ITIH5: variants seen among roughly 807,000 people sequenced by gnomAD.
ITIH5 encodes the protein inter-alpha-trypsin inhibitor heavy chain 5.
ITIH5 carries 65 observed loss-of-function variants against 77.5 expected under a neutral mutation model. The ratio of observed to expected loss-of-function variants is 0.84; its 90% CI spans 0.69 to 1.03. The LOEUF is 1.03. Among genes scored for constraint, ITIH5 ranks in the 50% least tolerant of loss-of-function variants. The pLI, the probability that ITIH5 is intolerant of heterozygous loss-of-function variation, is 0.00. For missense variants in ITIH5, 1,208 were observed against 1,213.1 expected, an observed-to-expected ratio of 1.00 and a Z score of 0.06; for synonymous variants, 525 against 494.3, an observed-to-expected ratio of 1.06 and a Z score of -0.82.
chr10:7,592,250 A>T (rs1014945778), intron 7 of ITIH5, among the ~76,000 whole-genome samples: 1 of 152,148 alleles, frequency 6.6e-6, no homozygotes, highest in Non-Finnish European at 1.5e-5. Flanking sequence ...ATGCTTGACA[A>T]ATGTGTTCTG....
At chr10:7,638,226 A>G (rs1432267107) in intron 4 of ITIH5, among the ~76,000 whole-genome samples, 1 of 152,250 alleles carries the variant, frequency 6.6e-6, no homozygotes, top group African/African-American at 2.4e-5. Context: ...GGACACCACA[A>G]GATGGAAGGG....
chr10:7,639,661 C>T (rs1301126524), intron 4 of ITIH5, among the ~76,000 whole-genome samples: 1 of 152,114 alleles, frequency 6.6e-6, no homozygotes, highest in African/African-American at 2.4e-5. Flanking sequence ...GGATGAAGGC[C>T]TACACATTGG....
chr10:7,599,331 A>G (rs1453180336), intron 7 of ITIH5, among the ~76,000 whole-genome samples: 3 of 152,210 alleles, frequency 2.0e-5, no homozygotes, highest in Admixed American at 1.3e-4. Context: ...GGTGAACCCC[A>G]GGCATGGCTG....
At chr10:7,619,606 G>GGGAA (rs1833436848) in intron 5 of ITIH5, 2 of 392,294 alleles carry the variant, frequency 5.1e-6, no homozygotes, top group South Asian at 3.8e-5. Flanking sequence ...GGGAAGCCTC[G>GGGAA]GGAAACTTAC....
chr10:7,620,385 A>G (rs1212739929), intron 5 of ITIH5: 1 of 152,230 alleles, frequency 6.6e-6, no homozygotes, highest in African/African-American at 2.4e-5. Context: ...AAAGTTCAAG[A>G]GGAGCATGAA....
intron 7 of ITIH5, among the ~76,000 whole-genome samples, chr10:7,605,946 G>A (rs553742839): frequency 3.3e-5 from 5 of 152,252 alleles, no homozygotes; most frequent in African/African-American, 7.2e-5. Context: ...ATTTCCTGGC[G>A]CCACACTTTC....
intron 7 of ITIH5, 60 bp from the exon 8 acceptor site, chr10:7,586,129 G>A: frequency 1.4e-6 from 2 of 1,461,086 alleles, no homozygotes; most frequent in South Asian, 2.7e-5. Flanking sequence ...CTTGTCCCCT[G>A]TTCTAGAAAC....
In ITIH5 at chr10:7,637,340, C is replaced by A. The variant is rs1306695143; in HGVS notation, c.540G>T (p.Gln180His). ...YEHSISVRPQQLSGRLSVDVN... is the reference protein window; with the variant it reads ...YEHSISVRPQHLSGRLSVDVN... ...CGTCCACGCTCAGCCTCCCGGACAG[C>A]TGCTGGGGCCGCACGCTGATGCTGT... The change falls in exon 5 of 14, where the codon CAG becomes CAT. Residue 180 changes from glutamine (Q) to histidine (H), a missense_variant. By Grantham distance (24) the Gln-to-His change is conservative. Coordinates refer to ENST00000397146, the MANE Select transcript of ITIH5 (RefSeq NM_030569.7). 1.2e-6 allele frequency: 2 copies of A among 1,614,198 alleles called. No homozygotes were observed. Among genetic ancestry groups the A allele is most frequent in the East Asian group, 2.2e-5 (1 of 44,874 alleles).
intron 5 of ITIH5, among the ~76,000 whole-genome samples, chr10:7,631,292 T>C (rs1833708540): frequency 6.6e-6 from 1 of 152,110 alleles, no homozygotes; most frequent in Non-Finnish European, 1.5e-5. Context: ...TGGGAACCAC[T>C]GAGGTTGGCA....
chr10:7,633,226 T>C (rs1833740882), intron 5 of ITIH5, among the ~76,000 whole-genome samples: 1 of 152,240 alleles, frequency 6.6e-6, no homozygotes, highest in Non-Finnish European at 1.5e-5. Flanking sequence ...TACCAATTTG[T>C]AATGCTTGAG....
intron 7 of ITIH5, among the ~76,000 whole-genome samples, chr10:7,613,780 G>C (rs574905630): frequency 3.3e-5 from 5 of 152,156 alleles, no homozygotes; most frequent in Non-Finnish European, 7.4e-5. Flanking sequence ...CTGAGAGGCC[G>C]CACATCCCCT....
Position 7,641,982 on chromosome 10 carries a change from C to G in ITIH5, c.244G>C (p.Asp82His). The G allele has an allele frequency of 6.2e-7, 1 of 1,614,118 alleles. No individual in the cohort carries two copies. The highest frequency in any genetic ancestry group is 1.1e-5 in the South Asian group (1 of 91,070). Residue 82 changes from aspartate to histidine, a missense_variant, in exon 3 of 14, where the codon GAC becomes CAC. Asp to His is a moderately conservative substitution (Grantham distance 81). Coordinates refer to ENST00000397146, the MANE Select transcript of ITIH5 (RefSeq NM_030569.7). ...GGAATCTGCATCTGGAACTCAATGT[C>G]CTGGTCTTCAGAAGCTCTGTTCAGC... Reference protein sequence around the residue: ...RMLNRASEDQDIEFQMQIPAA... With the variant: ...RMLNRASEDQHIEFQMQIPAA...
intron 3 of ITIH5, among the ~76,000 whole-genome samples, 180 bp from the exon 4 acceptor site, chr10:7,641,035 C>T (rs1434462552): frequency 3.9e-5 from 6 of 152,186 alleles, no homozygotes; most frequent in Non-Finnish European, 7.3e-5. Flanking sequence ...GGGCAATTTT[C>T]AACAGGTCCA....
intron 1 of ITIH5, 22 bp from the exon 2 acceptor site, chr10:7,655,697 T>TA: frequency 6.3e-7 from 1 of 1,594,580 alleles, no homozygotes; most frequent in Non-Finnish European, 8.6e-7. Context: ...AAGAGACTGT[T>TA]AAAAAGGTGA....
chr10:7,636,712 T>C (rs1443331642), intron 5 of ITIH5, among the ~76,000 whole-genome samples: 3 of 152,152 alleles, frequency 2.0e-5, no homozygotes, highest in Non-Finnish European at 4.4e-5. Flanking sequence ...CAATAACTCA[T>C]ACATTTTTAA....
At chr10:7,578,315 G>C (rs1832466686) in intron 9 of ITIH5, 1 of 167,632 alleles carries the variant, frequency 6.0e-6, no homozygotes, top group African/African-American at 2.4e-5. Context: ...TTTCTGTGAG[G>C]ATCATCTGGG....
intron 7 of ITIH5, among the ~76,000 whole-genome samples, chr10:7,601,428 CA>C (rs1454434659): frequency 1.3e-5 from 2 of 152,158 alleles, no homozygotes; most frequent in African/African-American, 4.8e-5. Context: ...GAGAGTTTGC[CA>C]GGCCATTGCT....
chr10:7,572,166 C>A, intron 11 of ITIH5: 1 of 1,174,010 alleles, frequency 8.5e-7, no homozygotes, highest in Non-Finnish European at 1.1e-6. Flanking sequence ...GCTGTGCGGA[C>A]TCTATATCCA....
chr10:7,573,006 G>C, intron 11 of ITIH5, 136 bp downstream of exon 11: 5 of 722,074 alleles, frequency 6.9e-6, no homozygotes, highest in Non-Finnish European at 1.2e-5. Context: ...TTGAACTCCT[G>C]ACCTCAAGCA....
Sources: gnomAD v4.1 joint callset for allele counts (sites outside exome capture counted in the v4.1 genomes callset) on GRCh38, gnomAD v4.1.1 for gene constraint, MANE v1.5 for transcripts, NCBI Gene and HGNC (gene_info 2026-07-23, HGNC 2026-07-21) for gene names.